Variants in ERC2 observed in about 807,000 individuals in gnomAD.
The protein encoded by ERC2 is ELKS/RAB6-interacting/CAST family member 2, also known as ERC protein 2.
ERC2 carries 42 observed loss-of-function variants against 114.8 expected under a neutral mutation model. The observed-to-expected ratio is 0.37, with a 90% confidence interval of 0.29 to 0.47. The LOEUF (loss-of-function observed/expected upper bound fraction) is 0.47. Among genes scored for constraint, ERC2 ranks in the 20% least tolerant of loss-of-function variants. ERC2 has a pLI of 0.99. For missense variants in ERC2, 939 were observed against 1,150.7 expected (o/e 0.82, Z 2.66); for synonymous variants, 454 against 425.5 (o/e 1.07, Z -0.82).
chr3:55,831,957 C>T (rs147766161), intron 14 of ERC2, among the ~76,000 whole-genome samples: 2,353 of 152,356 alleles, frequency 0.015, 27 homozygotes, highest in Middle Eastern at 0.027. Flanking sequence ...GATTACATCC[C>T]GCACATGGCT....
chr3:56,457,876 C>G (rs1285303337), intron 1 of ERC2, among the ~76,000 whole-genome samples: 1 of 152,134 alleles, frequency 6.6e-6, no homozygotes, highest in Admixed American at 6.5e-5. Flanking sequence ...GGAAGCCTTC[C>G]TTCATTCTTC....
intron 3 of ERC2, among the ~76,000 whole-genome samples, chr3:56,228,430 C>T (rs140805533): frequency 6.6e-6 from 1 of 152,354 alleles, no homozygotes; most frequent in African/African-American, 2.4e-5. Flanking sequence ...TCTGACTGCT[C>T]TAAGTACTTC....
At chr3:56,380,906 A>G (rs1054943693) in intron 2 of ERC2, among the ~76,000 whole-genome samples, 3 of 152,194 alleles carry the variant, frequency 2.0e-5, no homozygotes, top group Non-Finnish European at 4.4e-5. Context: ...TTGACCATCA[A>G]ACTAGGCCAA....
intron 13 of ERC2, among the ~76,000 whole-genome samples, chr3:55,910,778 C>T (rs1182105755): frequency 3.3e-5 from 5 of 152,206 alleles, no homozygotes; most frequent in South Asian, 2.1e-4. Flanking sequence ...CACAGTCACA[C>T]AGCTAGTGAG....
intron 13 of ERC2, among the ~76,000 whole-genome samples, chr3:55,899,204 G>A (rs959370161): frequency 2.0e-5 from 3 of 152,000 alleles, no homozygotes; most frequent in African/African-American, 4.8e-5. Context: ...TTTTGGTCAC[G>A]GGAAACAAAC....
chr3:56,048,141 T>C (rs574706294), intron 7 of ERC2, among the ~76,000 whole-genome samples: 7 of 152,334 alleles, frequency 4.6e-5, no homozygotes, highest in Non-Finnish European at 8.8e-5. Flanking sequence ...TCAATACTTA[T>C]GTTGGTCTAA....
intron 12 of ERC2, among the ~76,000 whole-genome samples, chr3:55,964,686 C>T (rs1347315911): frequency 6.6e-6 from 1 of 152,230 alleles, no homozygotes; most frequent in African/African-American, 2.4e-5. Flanking sequence ...AGTCCAGGCA[C>T]AGCTCAGCTG....
At position 56,118,676 on chromosome 3, in the gene ERC2, G is replaced by A. The variant is rs528536133; in HGVS notation, c.1473+20833C>T. ...TTTTGAGACAGAGTCTTGCTCTGTC[G>A]CCCAGGCTGGAGTGCAGTGGCGTGA... On this transcript the variant is annotated intron_variant, in intron 6 of 17. Coordinates refer to ENST00000288221, the MANE Select transcript of ERC2 (RefSeq NM_015576.3). 1.4e-3 allele frequency among the ~76,000 whole-genome samples: 185 copies of A among 132,954 alleles called. 2 individuals carry two copies. Among genetic ancestry groups the A allele is most frequent in the Admixed American group, 0.013 (154 of 11,504 alleles). The allele number at this position is 132,954 out of a possible 152,430, so 87.2% of individuals were successfully genotyped here.
At chr3:55,887,484 C>T (rs1422251310) in intron 14 of ERC2, among the ~76,000 whole-genome samples, 2 of 152,090 alleles carry the variant, frequency 1.3e-5, no homozygotes, top group East Asian at 1.9e-4. Context: ...GCTTAAGATG[C>T]CGTAATTATG....
At chr3:56,069,753 C>T (rs2076642136) in intron 7 of ERC2, among the ~76,000 whole-genome samples, 1 of 152,146 alleles carries the variant, frequency 6.6e-6, no homozygotes, top group African/African-American at 2.4e-5. Context: ...ACTGCTGGTT[C>T]TCAAAATCAG....
At chr3:55,752,742 A>T (rs1347364173) in intron 14 of ERC2, among the ~76,000 whole-genome samples, 1 of 148,036 alleles carries the variant, frequency 6.8e-6, no homozygotes. Context: ...CATGGCTAGT[A>T]GATGGCAAAG....
At chr3:55,919,839 T>TGCAA (rs1378800980) in intron 13 of ERC2, among the ~76,000 whole-genome samples, 1 of 152,136 alleles carries the variant, frequency 6.6e-6, no homozygotes, top group African/African-American at 2.4e-5. Context: ...CAAAGGGAAT[T>TGCAA]GCAAGTGCAA....
At chr3:56,040,895 A>G (rs2075153945) in intron 7 of ERC2, among the ~76,000 whole-genome samples, 1 of 151,276 alleles carries the variant, frequency 6.6e-6, no homozygotes, top group African/African-American at 2.4e-5. Flanking sequence ...ATTAAGTCCT[A>G]TTGATCTGTC....
intron 15 of ERC2, among the ~76,000 whole-genome samples, chr3:55,713,099 TC>T: frequency 3.2e-5 from 1 of 31,410 alleles, no homozygotes. Flanking sequence ...TCTGCCATTC[TC>T]TCTCTCTCTC....
intron 14 of ERC2, among the ~76,000 whole-genome samples, chr3:55,871,743 C>G (rs186714940): frequency 1.3e-5 from 2 of 152,274 alleles, no homozygotes; most frequent in African/African-American, 4.8e-5. Flanking sequence ...AGGAATGTGT[C>G]AGTGGTGTAA....
chr3:56,396,290 TA>T lies in ERC2; in HGVS notation c.657+38060del, dbSNP rs568926515. On this transcript the variant is annotated intron_variant, in intron 2 of 17. Transcript: ENST00000288221. ...ATGTAATAATAAAAGATTGGTTAAA[TA>T]AAAATACAGTTTGTCCACTCAATAG... Among the ~76,000 whole-genome samples the T allele has an allele frequency of 3.9e-5, 6 of 152,306 alleles. No homozygotes were observed. In the South Asian group the frequency reaches 1.2e-3, roughly 32 times the overall value.
intron 4 of ERC2, among the ~76,000 whole-genome samples, chr3:56,167,307 T>C (rs1330841490): frequency 3.9e-5 from 6 of 152,278 alleles, no homozygotes; most frequent in Non-Finnish European, 7.4e-5. Context: ...GTACACAAAA[T>C]AGTTGCTCAG....
intron 17 of ERC2, among the ~76,000 whole-genome samples, chr3:55,613,257 C>T (rs905252993): frequency 3.3e-5 from 5 of 152,152 alleles, no homozygotes; most frequent in African/African-American, 1.2e-4. Context: ...AAGCCTGGGA[C>T]CTCAGACACT....
chr3:56,314,197 T>A (rs757870384), intron 2 of ERC2, among the ~76,000 whole-genome samples: 7 of 152,200 alleles, frequency 4.6e-5, no homozygotes, highest in Non-Finnish European at 1.0e-4. Context: ...GGGCCTCCAA[T>A]GTGGTCATAC....
Sources: gnomAD v4.1 joint callset for allele counts (sites outside exome capture counted in the v4.1 genomes callset) on GRCh38, gnomAD v4.1.1 for gene constraint, MANE v1.5 for transcripts, NCBI Gene and HGNC (gene_info 2026-07-23, HGNC 2026-07-21) for gene names.